The following A1CF variants were observed in gnomAD, a reference collection of about 807,000 sequenced individuals.
A1CF encodes the protein APOBEC-1 stimulating protein.
A neutral mutation model predicts 68.9 loss-of-function variants in A1CF; 48 were observed. The observed-to-expected ratio is 0.70, with a 90% CI of 0.55 to 0.89. A1CF has a LOEUF of 0.89. Ranked by LOEUF, A1CF falls within the 40% of genes least tolerant of loss-of-function variation. The pLI is 0.00. For missense variants in A1CF, 653 were observed against 718.9 expected, an observed-to-expected ratio of 0.91 and a Z score of 1.05; for synonymous variants, 272 against 260.4, an observed-to-expected ratio of 1.04 and a Z score of -0.43.
At chr10:50,847,540 A>G (rs994317269) in intron 3 of A1CF, among the ~76,000 whole-genome samples, 1 of 152,200 alleles carries the variant, frequency 6.6e-6, no homozygotes, top group South Asian at 2.1e-4. Flanking sequence ...TCAATAAATC[A>G]TTCTAAGCAG....
At chr10:50,826,080 T>A (rs541010046) in intron 7 of A1CF, among the ~76,000 whole-genome samples, 4 of 152,210 alleles carry the variant, frequency 2.6e-5, no homozygotes, top group Admixed American at 2.6e-4. Flanking sequence ...ATCAGACCTA[T>A]GGTTATGGCA....
intron 5 of A1CF, among the ~76,000 whole-genome samples, chr10:50,840,186 A>G (rs1457851366): frequency 1.3e-5 from 2 of 151,992 alleles, no homozygotes; most frequent in Non-Finnish European, 2.9e-5. Context: ...TTTAAGATCT[A>G]CCCATTTTAA....
intron 4 of A1CF, among the ~76,000 whole-genome samples, chr10:50,842,752 T>C (rs530775615): frequency 6.6e-6 from 1 of 152,354 alleles, no homozygotes; most frequent in African/African-American, 2.4e-5. Flanking sequence ...CCAAACTAAC[T>C]TCTTAGCAGT....
rs1465681895 is a variant in A1CF, at chr10:50,810,046, G to C, written c.1461-4C>G. 3.7e-6 allele frequency: 6 copies of C among 1,613,802 alleles called. No individual in the cohort carries two copies. The South Asian group carries it at 6.6e-5, about 18-fold the overall frequency. On this transcript the variant is annotated splice_region_variant and splice_polypyrimidine_tract_variant and intron_variant, in intron 11 of 12. Transcript: ENST00000373997. ...CTTTGGAGGTGTGAAAGGGTGGCTG[G>C]AAAGCAAGTCAGTCAGGGTAGGCAT... is the stretch of plus-strand genomic sequence containing the variant.
chr10:50,836,401 G>T (rs1341933282), intron 5 of A1CF, 89 bp from the exon 6 acceptor site: 23 of 1,406,646 alleles, frequency 1.6e-5, no homozygotes, highest in Middle Eastern at 1.9e-4. Flanking sequence ...GTTGCCTGAA[G>T]ATGTGGGATG....
chr10:50,835,395 C>T (rs748601512), intron 6 of A1CF, among the ~76,000 whole-genome samples: 15 of 152,082 alleles, frequency 9.9e-5, no homozygotes, highest in Non-Finnish European at 1.9e-4. Context: ...TTGAAATCCT[C>T]TTATTTTAGT....
At chr10:50,871,794 C>T (rs773515350) in intron 1 of A1CF, among the ~76,000 whole-genome samples, 1 of 151,996 alleles carries the variant, frequency 6.6e-6, no homozygotes, top group African/African-American at 2.4e-5. Flanking sequence ...AAGAAATAAC[C>T]TTTAAAAACA....
intron 7 of A1CF, among the ~76,000 whole-genome samples, 185 bp downstream of exon 7, chr10:50,827,946 T>C (rs1839043816): frequency 6.6e-6 from 1 of 151,828 alleles, no homozygotes; most frequent in South Asian, 2.1e-4. Flanking sequence ...TAAAAAATGA[T>C]AAAGGGGATA....
chr10:50,880,368 G>T lies in A1CF; in HGVS notation c.-94+5213C>A, dbSNP rs149086031. Among the ~76,000 whole-genome samples the T allele has an allele frequency of 2.1e-3, 320 of 152,310 alleles. 2 individuals carry two copies. The highest frequency in any genetic ancestry group is 7.3e-3 in the African/African-American group (303 of 41,560). On this transcript the variant is annotated intron_variant, in intron 1 of 12. Transcript: ENST00000373997. The stretch of plus-strand genomic sequence containing the variant: ...GTACCCATTCCATAGAGTGATGGAG[G>T]ATTAAATGAGTTAACCTATGTGCCT...
At position 50,806,864 on chromosome 10, in the gene A1CF, A is replaced by G. The variant is rs773173107; in HGVS notation, c.1626T>C (p.Asn542=). The stretch of plus-strand genomic sequence containing the variant: ...GGGCTGCAGACACGGGTGCAGTTGC[A>G]TTAGGGACAGCATATCCTGGAGGAA... ...ATAFPGYAVP[N]ATAPVSAAQL... is the part of the protein sequence containing the mutation. Residue 542 remains asparagine, a synonymous_variant, in exon 13 of 13, where the codon AAT becomes AAC. Coordinates refer to ENST00000373997, the MANE Select transcript of A1CF (RefSeq NM_014576.4). 8.7e-6 allele frequency: 14 copies of G among 1,611,984 alleles called. No homozygotes were observed. The South Asian group carries it at 8.8e-5, about 10-fold the overall frequency.
chr10:50,805,414 C>T lies in A1CF; in HGVS notation c.*1315G>A, dbSNP rs180901016. The T allele has an allele frequency of 6.6e-6, 1 of 152,306 alleles. No homozygotes were observed. The highest frequency in any genetic ancestry group is 1.9e-4 in the East Asian group (1 of 5,184). 9.4% of individuals were successfully genotyped at this position (152,306 alleles called of 1,614,324 possible). A position where few individuals can be genotyped will look rare whatever the true frequency, so the allele number is the denominator to read the frequency against. On this transcript the variant is annotated 3_prime_UTR_variant, in exon 13 of 13. Transcript: ENST00000373997. ...CAAGAAAGTAGTGCCTTCTCTTTAC[C>T]TCTGTTCCGTGTTTTGTAGCACCGT...
intron 1 of A1CF, among the ~76,000 whole-genome samples, chr10:50,878,063 A>G (rs151122680): frequency 0.038 from 5,836 of 152,292 alleles, 163 homozygotes; most frequent in Middle Eastern, 0.13. Context: ...CGGAGGTTGC[A>G]GTGAGCTGAG....
intron 3 of A1CF, chr10:50,850,579 A>G: frequency 1.9e-6 from 3 of 1,541,142 alleles, no homozygotes; most frequent in Non-Finnish European, 2.7e-6. Context: ...CAAAATTAGA[A>G]AACAAAAAGC....
intron 12 of A1CF, among the ~76,000 whole-genome samples, chr10:50,807,563 C>T (rs971758733): frequency 2.0e-5 from 3 of 152,102 alleles, no homozygotes; most frequent in Admixed American, 6.6e-5. Flanking sequence ...GCTGGTTCTC[C>T]GCCTCAGAGA....
intron 1 of A1CF, among the ~76,000 whole-genome samples, chr10:50,864,904 C>T (rs1015402964): frequency 2.0e-5 from 3 of 152,140 alleles, no homozygotes; most frequent in African/African-American, 4.8e-5. Flanking sequence ...AGGAGTGAGC[C>T]ACCGTGCCTG....
intron 1 of A1CF, among the ~76,000 whole-genome samples, chr10:50,871,548 A>G (rs2132582291): frequency 1.3e-5 from 2 of 152,154 alleles, no homozygotes; most frequent in East Asian, 3.9e-4. Context: ...CACAACATAT[A>G]TTGAAAGTGT....
Position 50,816,113 on chromosome 10 carries a change from G to A in A1CF, c.1034C>T (p.Pro345Leu). The A allele has an allele frequency of 6.2e-7, 1 of 1,613,862 alleles. No individual in the cohort carries two copies. The highest frequency in any genetic ancestry group is 8.5e-7 in the Non-Finnish European group (1 of 1,179,886). ...YDPTTTYLGA[P>L]VFYAPQTYAA... ...ATAGGTCTGGGGGGCATAGAAGACAGGAGCTCCAAGGTAGGTTGTGGTGGG... is the reference window on the plus strand; with the variant it reads ...ATAGGTCTGGGGGGCATAGAAGACAAGAGCTCCAAGGTAGGTTGTGGTGGG... Residue 345 changes from proline (P) to leucine (L), a missense_variant, in exon 9 of 13, where the codon CCT becomes CTT. Transcript: ENST00000373997.
intron 3 of A1CF, among the ~76,000 whole-genome samples, chr10:50,855,148 T>G (rs552078653): frequency 6.6e-6 from 1 of 152,016 alleles, no homozygotes; most frequent in East Asian, 1.9e-4. Flanking sequence ...GGAGAAAATT[T>G]CAGGTGAGAG....
chr10:50,809,772 G>T, intron 12 of A1CF, 122 bp downstream of exon 12: 1 of 1,426,238 alleles, frequency 7.0e-7, no homozygotes, highest in Non-Finnish European at 9.5e-7. Flanking sequence ...TTGGTCCCAA[G>T]GTTGTGCAAG....
Sources: allele counts gnomAD v4.1 joint callset (sites outside exome capture counted in the v4.1 genomes callset), GRCh38; gene constraint gnomAD v4.1.1; transcripts MANE v1.5; gene names NCBI Gene and HGNC (gene_info 2026-07-23, HGNC 2026-07-21).